The following UTP14A variants were observed in gnomAD, a reference collection of about 807,000 sequenced individuals.
The protein encoded by UTP14A is U3 small nucleolar RNA-associated protein 14 homolog A.
UTP14A carries 5 observed loss-of-function variants against 57.2 expected under a neutral mutation model. The observed-to-expected ratio is 0.09, with a 90% CI of 0.05 to 0.18. The LOEUF is 0.18. Ranked by LOEUF, UTP14A falls within the 10% of genes least tolerant of loss-of-function variation. The pLI is 1.00. For missense variants in UTP14A, 430 were observed against 562.1 expected, an observed-to-expected ratio of 0.76 and a Z score of 2.38; for synonymous variants, 169 against 210.9, an observed-to-expected ratio of 0.80 and a Z score of 1.72.
intron 4 of UTP14A, among the ~76,000 whole-genome samples, chrX:129,909,206 CTTTTT>C (rs753147882): frequency 1.2e-5 from 1 of 84,433 alleles, no homozygotes; most frequent in African/African-American, 4.5e-5. Context: ...CCTTTCAAGC[CTTTTT>C]TTTTTTTTTT....
At chrX:129,929,065 T>C (rs1346495169) in intron 14 of UTP14A, among the ~76,000 whole-genome samples, 1 of 111,443 alleles carries the variant, frequency 9.0e-6, no homozygotes, top group Non-Finnish European at 1.9e-5. Flanking sequence ...AGATGGGCAG[T>C]GTCAGGGTGG....
In UTP14A at chrX:129,907,390, A is replaced by T; in HGVS notation, c.50A>T (p.Glu17Val). 1 of 1,209,941 alleles carries T rather than the reference A, an allele frequency of 8.3e-7. No individual in the cohort carries two copies. The change falls in exon 2 of 15, where the codon GAA becomes GTA. Residue 17 changes from glutamate to valine, a missense_variant. By Grantham distance (121) the Glu-to-Val change is moderately radical (BLOSUM62 -2). Coordinates refer to ENST00000394422, the MANE Select transcript of UTP14A (RefSeq NM_006649.4). ...AESLLALSQQ[E>V]ELADLPKDYL... ...AGCCTTCTGGCTTTGAGCCAACAGG[A>T]AGAACTAGCGGATTTGCCAAAAGAC... is the stretch of plus-strand genomic sequence containing the variant.
intron 9 of UTP14A, 31 bp downstream of exon 9, chrX:129,920,611 C>G: frequency 8.3e-7 from 1 of 1,206,459 alleles, no homozygotes; most frequent in Non-Finnish European, 1.1e-6. Context: ...ACCCCCACCC[C>G]TTTGAACCAG....
At chrX:129,916,995 A>G (rs1979701789) in intron 6 of UTP14A, among the ~76,000 whole-genome samples, 1 of 111,543 alleles carries the variant, frequency 9.0e-6, no homozygotes, top group Non-Finnish European at 1.9e-5. Context: ...CGTAGCAGTT[A>G]TGTTATTTAA....
At chrX:129,920,649 A>G in intron 9 of UTP14A, 26 bp from the exon 10 acceptor site, 1 of 1,209,193 alleles carries the variant, frequency 8.3e-7, no homozygotes, top group Non-Finnish European at 1.1e-6. Flanking sequence ...TAAAGATGTA[A>G]ATCTCACTCT....
intron 6 of UTP14A, among the ~76,000 whole-genome samples, chrX:129,912,764 G>A (rs1021777411): frequency 3.6e-5 from 4 of 111,734 alleles, no homozygotes; most frequent in African/African-American, 1.3e-4. Context: ...TTAGAGCTGG[G>A]TTTCCCAAAC....
At chrX:129,906,906 A>G (rs771291593) in intron 1 of UTP14A, among the ~76,000 whole-genome samples, 25 of 111,029 alleles carry the variant, frequency 2.3e-4, no homozygotes, top group Non-Finnish European at 2.5e-4. Flanking sequence ...CAATGAGTCA[A>G]ATATATGGAG....
In UTP14A at chrX:129,912,112, CT is replaced by C. The variant is rs369904550; in HGVS notation, c.537+206del. Among the ~76,000 whole-genome samples the C allele has an allele frequency of 2.7e-3, 272 of 99,858 alleles. 1 individual carries two copies. Among genetic ancestry groups the C allele is most frequent in the East Asian group, 0.011 (37 of 3,275 alleles). The allele number at this position is 99,858 out of a possible 115,157, so 86.7% of individuals were successfully genotyped here. A position where few individuals can be genotyped will look rare whatever the true frequency, so the allele number is the denominator to read the frequency against. On this transcript the variant is annotated intron_variant, in intron 6 of 14. Transcript: ENST00000394422. Reference sequence around the variant, plus strand: ...GCCAGTCACAATAGCTCTGTGATCACTTTTTTTTTTTTTTTCTTGAGACAGG... The same window carrying C: ...GCCAGTCACAATAGCTCTGTGATCACTTTTTTTTTTTTTTCTTGAGACAGG...
chrX:129,923,850 A>C (rs976590851), intron 11 of UTP14A, among the ~76,000 whole-genome samples: 3 of 111,372 alleles, frequency 2.7e-5, no homozygotes, highest in Non-Finnish European at 5.6e-5. Context: ...ACTTGGGGCA[A>C]TCTTCCCAAG....
At position 129,920,662 on chromosome X, in the gene UTP14A, C is replaced by A. The variant is rs775423985; in HGVS notation, c.877-13C>A. Reference sequence around the variant, plus strand: ...ACTAAAGATGTAAATCTCACTCTGTCCTTTCTTTCTAGGAAAGAATGAGCC... The same window carrying A: ...ACTAAAGATGTAAATCTCACTCTGTACTTTCTTTCTAGGAAAGAATGAGCC... On this transcript the variant is annotated splice_polypyrimidine_tract_variant and intron_variant, in intron 9 of 14. Transcript: ENST00000394422. The A allele has an allele frequency of 1.7e-6, 2 of 1,176,862 alleles. No individual in the cohort carries two copies. The highest frequency in any genetic ancestry group is 1.8e-5 in the African/African-American group (1 of 55,135).
intron 6 of UTP14A, among the ~76,000 whole-genome samples, chrX:129,914,965 A>G (rs1929624902): frequency 8.9e-6 from 1 of 112,581 alleles, no homozygotes; most frequent in African/African-American, 3.2e-5. Context: ...TAATCCCAGC[A>G]CTTTGGAAGG....
intron 11 of UTP14A, chrX:129,921,921 A>G (rs1929932856): frequency 5.4e-6 from 1 of 186,443 alleles, no homozygotes; most frequent in African/African-American, 3.0e-5. Context: ...CACCAGGGAG[A>G]AGTACGTATG....
intron 14 of UTP14A, 55 bp downstream of exon 14, chrX:129,926,394 C>A: frequency 9.6e-7 from 1 of 1,040,824 alleles, no homozygotes; most frequent in Non-Finnish European, 1.3e-6. Context: ...GGCTCTCTTG[C>A]TTGAGAGGAG....
At chrX:129,924,275 A>G (rs1930015949) in intron 11 of UTP14A, among the ~76,000 whole-genome samples, 1 of 96,252 alleles carries the variant, frequency 1.0e-5, no homozygotes, top group East Asian at 3.3e-4. Flanking sequence ...CCAACATCTC[A>G]CATGCTACTT....
chrX:129,929,451 A>C lies in UTP14A; in HGVS notation c.2159A>C (p.Lys720Thr), dbSNP rs1365163755. The C allele has an allele frequency of 8.3e-7, 1 of 1,209,878 alleles. No homozygotes were observed. Among genetic ancestry groups the C allele is most frequent in the East Asian group, 3.0e-5 (1 of 33,783 alleles). ...QRAFQKLTTP[K>T]VVTKPGHIIN... Reference sequence around the variant, plus strand: ...GCTTTCCAAAAGCTGACTACTCCCAAGGTCGTCACCAAGCCAGGCCATATC... The same window carrying C: ...GCTTTCCAAAAGCTGACTACTCCCACGGTCGTCACCAAGCCAGGCCATATC... Residue 720 changes from lysine (K) to threonine (T), a missense_variant, in exon 15 of 15, where the codon AAG becomes ACG. Lys to Thr is a moderately conservative substitution (Grantham distance 78). Around this residue, in one of 4 missense-constraint regions of UTP14A, gnomAD observed 82 missense variants for 151.4 expected, o/e 0.54. Coordinates refer to ENST00000394422, the MANE Select transcript of UTP14A (RefSeq NM_006649.4).
chrX:129,913,540 T>C (rs928151109), intron 6 of UTP14A: 1 of 264,986 alleles, frequency 3.8e-6, no homozygotes, highest in African/African-American at 2.9e-5. Context: ...GTTGTTGTTG[T>C]CTTAGAGTTT....
intron 14 of UTP14A, 65 bp from the exon 15 acceptor site, chrX:129,929,271 G>A (rs1930229678): frequency 8.7e-7 from 1 of 1,145,819 alleles, no homozygotes; most frequent in African/African-American, 1.8e-5. Context: ...GATGAAAGCT[G>A]CCATTACAGT....
chrX:129,914,450 G>C (rs1044408129), intron 6 of UTP14A, among the ~76,000 whole-genome samples: 3 of 109,498 alleles, frequency 2.7e-5, no homozygotes, highest in African/African-American at 1.0e-4. Flanking sequence ...GGTAGCACAT[G>C]CCTGTAGTCT....
At position 129,925,980 on chromosome X, in the gene UTP14A, T is replaced by G; in HGVS notation, c.1811T>G (p.Val604Gly). Reference protein sequence around the residue: ...MIKEAFAGDDVIRDFLKEKRE... With the variant: ...MIKEAFAGDDGIRDFLKEKRE... ...AAGGAAGCTTTTGCTGGGGATGATG[T>G]CATCAGAGATTTCTTGAAAGAGAAG... Residue 604 changes from valine (V) to glycine (G), a missense_variant, in exon 13 of 15, where the codon GTC (valine) becomes GGC (glycine). This residue lies in a region of UTP14A where 82 missense variants were observed against 151.4 expected (regional missense o/e 0.54). Coordinates refer to ENST00000394422, the MANE Select transcript of UTP14A (RefSeq NM_006649.4). 1 of 1,211,443 alleles carries G rather than the reference T, an allele frequency of 8.3e-7. No individual in the cohort carries two copies. Among genetic ancestry groups the G allele is most frequent in the Non-Finnish European group, 1.1e-6 (1 of 895,403 alleles).
Sources: gnomAD v4.1 joint callset for allele counts (sites outside exome capture counted in the v4.1 genomes callset) on GRCh38, gnomAD v4.1.1 for gene constraint, gnomAD v4.1.1 regional missense constraint, MANE v1.5 for transcripts, NCBI Gene and HGNC (gene_info 2026-07-23, HGNC 2026-07-21) for gene names.